Variants in KATNA1 observed in about 807,000 individuals in gnomAD.
The protein encoded by KATNA1 is katanin catalytic subunit A1.
Under a neutral mutation model 62.6 loss-of-function variants are expected in KATNA1, and 42 were observed. The ratio of observed to expected loss-of-function variants is 0.67; its 90% confidence interval spans 0.52 to 0.87. The LOEUF (loss-of-function observed/expected upper bound fraction) is 0.87. KATNA1 is among the 40% of genes least tolerant of loss of function. KATNA1 has a pLI of 0.00. For missense variants in KATNA1, 498 were observed against 612.5 expected (o/e 0.81, Z 1.97); for synonymous variants, 186 against 201.9 (o/e 0.92, Z 0.67).
intron 7 of KATNA1, among the ~76,000 whole-genome samples, chr6:149,598,777 A>G (rs1251602622): frequency 6.6e-6 from 1 of 152,128 alleles, no homozygotes; most frequent in Non-Finnish European, 1.5e-5. Flanking sequence ...AGCCTGCCAC[A>G]CTGTGCATCT....
intron 3 of KATNA1, among the ~76,000 whole-genome samples, chr6:149,630,158 T>C (rs2114599584): frequency 6.6e-6 from 1 of 152,324 alleles, no homozygotes; most frequent in African/African-American, 2.4e-5. Context: ...CTTCAATGAA[T>C]TTTTCTATTT....
At chr6:149,619,592 AAC>A (rs1396613177) in intron 4 of KATNA1, among the ~76,000 whole-genome samples, 1 of 152,016 alleles carries the variant, frequency 6.6e-6, no homozygotes, top group African/African-American at 2.4e-5. Context: ...CAGCCTGGGC[AAC>A]AGAGTGAGAC....
At chr6:149,624,101 T>C (rs1779515635) in intron 3 of KATNA1, among the ~76,000 whole-genome samples, 1 of 152,208 alleles carries the variant, frequency 6.6e-6, no homozygotes, top group Non-Finnish European at 1.5e-5. Flanking sequence ...GATTTTGGAA[T>C]ATTTCCATAT....
intron 1 of KATNA1, among the ~76,000 whole-genome samples, chr6:149,644,633 T>C (rs1009927655): frequency 1.3e-5 from 2 of 151,876 alleles, no homozygotes; most frequent in East Asian, 3.9e-4. Context: ...AAAAATAAAA[T>C]AAAATAAAAT....
At chr6:149,603,236 C>T (rs1778615467) in intron 6 of KATNA1, 32 bp downstream of exon 6, 5 of 918,232 alleles carry the variant, frequency 5.4e-6, no homozygotes, top group Non-Finnish European at 6.9e-6. Flanking sequence ...CTGCCATTTA[C>T]TTTGACAATG....
Position 149,627,943 on chromosome 6 carries a change from C to G in KATNA1, c.321-4660G>C, listed in dbSNP as rs73779512. The stretch of plus-strand genomic sequence containing the variant: ...TTCCAGAGGCTGTGGGGAACCAGGT[C>G]TCATAGGGCTTGAAAGACATGAAAA... On this transcript the variant is annotated intron_variant, in intron 3 of 10. Coordinates refer to ENST00000367411, the MANE Select transcript of KATNA1 (RefSeq NM_007044.4). Among the ~76,000 whole-genome samples, 560 of 151,920 alleles carry G rather than the reference C, an allele frequency of 3.7e-3. 14 individuals are homozygous for G. Among genetic ancestry groups the G allele is most frequent in the African/African-American group, 0.013 (532 of 41,278 alleles).
rs1275971142 is a variant in KATNA1 at position 149,595,091 on chromosome 6, G to C, written c.1421C>G (p.Ser474Cys). 8.1e-6 allele frequency: 13 copies of C among 1,613,940 alleles called. No individual in the cohort carries two copies. The highest frequency in any genetic ancestry group is 6.7e-5 in the East Asian group (3 of 44,874). ...MALKKVSKSV[S>C]AADIERYEKW... ...CTCGTATCTTTCAATGTCTGCAGCA[G>C]ACACTGACTTAGAAACCTTTTTTAA... The change falls in exon 11 of 11, where the codon TCT (serine) becomes TGT (cysteine). Residue 474 changes from serine to cysteine, a missense_variant. Transcript: ENST00000367411.
At chr6:149,608,423 T>TG (rs1288931226) in intron 4 of KATNA1, among the ~76,000 whole-genome samples, 1 of 152,116 alleles carries the variant, frequency 6.6e-6, no homozygotes, top group Non-Finnish European at 1.5e-5. Context: ...AACAGAAGCT[T>TG]GCTCTTTCTA....
At chr6:149,611,462 C>CAAAAAA (rs1179618459) in intron 4 of KATNA1, among the ~76,000 whole-genome samples, 2 of 34,790 alleles carry the variant, frequency 5.7e-5, no homozygotes, top group Admixed American at 2.8e-4. Flanking sequence ...AACTCTGTCT[C>CAAAAAA]AAAAAAAAAA....
intron 4 of KATNA1, among the ~76,000 whole-genome samples, chr6:149,621,579 G>A (rs747934233): frequency 1.3e-5 from 2 of 148,730 alleles, no homozygotes; most frequent in East Asian, 2.0e-4. Flanking sequence ...TGCAACCTCC[G>A]CCTCCCGGGT....
chr6:149,631,142 G>A, intron 3 of KATNA1, among the ~76,000 whole-genome samples: 1 of 152,184 alleles, frequency 6.6e-6, no homozygotes, highest in Non-Finnish European at 1.5e-5. Context: ...GCTCACGCCT[G>A]TAATCCCAGC....
At chr6:149,611,260 G>A (rs1039352351) in intron 4 of KATNA1, among the ~76,000 whole-genome samples, 8 of 151,858 alleles carry the variant, frequency 5.3e-5, no homozygotes, top group African/African-American at 9.7e-5. Flanking sequence ...TCAGGAGTTC[G>A]AGACCAGCCT....
intron 3 of KATNA1, among the ~76,000 whole-genome samples, chr6:149,628,890 A>G (rs1779726377): frequency 6.6e-6 from 1 of 152,160 alleles, no homozygotes; most frequent in Non-Finnish European, 1.5e-5. Context: ...ATAGAAAAAT[A>G]AAAAGAATAT....
At chr6:149,632,976 A>C in intron 2 of KATNA1, 60 bp from the exon 3 acceptor site, 2 of 1,336,434 alleles carry the variant, frequency 1.5e-6, no homozygotes, top group Non-Finnish European at 2.0e-6. Context: ...GTCAAAATTA[A>C]ATGAGGGCCA....
At chr6:149,626,133 C>T (rs1229961969) in intron 3 of KATNA1, among the ~76,000 whole-genome samples, 1 of 152,062 alleles carries the variant, frequency 6.6e-6, no homozygotes, top group Non-Finnish European at 1.5e-5. Context: ...GTATAGTTGG[C>T]CTTCCATATC....
intron 4 of KATNA1, among the ~76,000 whole-genome samples, chr6:149,608,803 C>T (rs1778837375): frequency 6.6e-6 from 1 of 152,212 alleles, no homozygotes; most frequent in South Asian, 2.1e-4. Context: ...TCCACCGCAG[C>T]TCAGCAGTAA....
At chr6:149,618,070 G>T (rs1335329799) in intron 4 of KATNA1, among the ~76,000 whole-genome samples, 1 of 149,006 alleles carries the variant, frequency 6.7e-6, no homozygotes, top group African/African-American at 2.4e-5. Context: ...CAGGAGGATC[G>T]CTTGAACCTG....
intron 1 of KATNA1, among the ~76,000 whole-genome samples, chr6:149,645,032 G>A (rs932610607): frequency 6.6e-6 from 1 of 152,106 alleles, no homozygotes; most frequent in Non-Finnish European, 1.5e-5. Flanking sequence ...GTAAATTTAT[G>A]AAATTATCCC....
chr6:149,617,813 G>A lies in KATNA1; in HGVS notation c.501+5290C>T, dbSNP rs143474112. On this transcript the variant is annotated intron_variant, in intron 4 of 10. Coordinates refer to ENST00000367411, the MANE Select transcript of KATNA1 (RefSeq NM_007044.4). ...TAGCTGGGCATGGTGGCCTGCGCCT[G>A]TAGTCTCAGCTACTTGGGAGTCTGA... Among the ~76,000 whole-genome samples the A allele has an allele frequency of 7.6e-3, 1,163 of 152,100 alleles. 15 individuals carry two copies. The highest frequency in any genetic ancestry group is 0.027 in the African/African-American group (1,106 of 41,490).
Sources: allele counts gnomAD v4.1 joint callset (sites outside exome capture counted in the v4.1 genomes callset), GRCh38; gene constraint gnomAD v4.1.1; transcripts MANE v1.5; gene names NCBI Gene and HGNC (gene_info 2026-07-23, HGNC 2026-07-21).